Variants in AP3B1 observed in about 807,000 individuals in gnomAD.
AP3B1 encodes adaptor related protein complex 3 subunit beta 1, also known as AP-3 complex subunit beta-1.
In AP3B1, 61 loss-of-function variants were observed where a neutral mutation model predicts 132.5. That is an observed-to-expected ratio of 0.46 (90% CI 0.37 to 0.57). The LOEUF is 0.57. AP3B1 is among the 20% of genes least tolerant of loss of function. The pLI is 0.00. For synonymous variants in AP3B1, 388 were observed against 438.3 expected (o/e 0.89, Z 1.43); for missense variants, 1,120 against 1,289.4 (o/e 0.87, Z 2.01).
intron 22 of AP3B1, among the ~76,000 whole-genome samples, chr5:78,081,549 G>A (rs555562306): frequency 1.3e-5 from 2 of 151,762 alleles, no homozygotes; most frequent in Non-Finnish European, 2.9e-5. Context: ...CGCCCGCCTC[G>A]GCCTTCCAAA....
chr5:78,184,940 C>T (rs1359293182), intron 7 of AP3B1, among the ~76,000 whole-genome samples: 1 of 151,988 alleles, frequency 6.6e-6, no homozygotes, highest in African/African-American at 2.4e-5. Flanking sequence ...CCTCTGAAAA[C>T]TAAAGACAAA....
chr5:78,161,473 A>C (rs913858247), intron 13 of AP3B1, among the ~76,000 whole-genome samples: 1 of 152,000 alleles, frequency 6.6e-6, no homozygotes, highest in Non-Finnish European at 1.5e-5. Flanking sequence ...TATTTGGTTG[A>C]ATAGAAAGTC....
At chr5:78,047,916 T>TA (rs937783676) in intron 22 of AP3B1, among the ~76,000 whole-genome samples, 2 of 152,052 alleles carry the variant, frequency 1.3e-5, no homozygotes, top group African/African-American at 4.8e-5. Context: ...ATGCTTGATT[T>TA]AAAAAAAATA....
intron 22 of AP3B1, among the ~76,000 whole-genome samples, chr5:78,057,212 T>A (rs147317086): frequency 1.3e-5 from 2 of 152,206 alleles, no homozygotes; most frequent in Admixed American, 6.5e-5. Context: ...GAACTCTCCA[T>A]CCAATTTATG....
intron 6 of AP3B1, among the ~76,000 whole-genome samples, chr5:78,216,547 CA>C (rs1214618949): frequency 9.2e-5 from 14 of 152,230 alleles, no homozygotes; most frequent in Admixed American, 2.0e-4. Flanking sequence ...GCACATTTTT[CA>C]TGTTTAAAGC....
At chr5:78,260,450 G>A (rs1400345682) in intron 2 of AP3B1, among the ~76,000 whole-genome samples, 4 of 151,868 alleles carry the variant, frequency 2.6e-5, no homozygotes, top group African/African-American at 9.7e-5. Flanking sequence ...AAAAATTAGC[G>A]GGGCATGGTG....
At chr5:78,082,515 G>C (rs1750059775) in intron 22 of AP3B1, among the ~76,000 whole-genome samples, 2 of 152,146 alleles carry the variant, frequency 1.3e-5, no homozygotes, top group Non-Finnish European at 2.9e-5. Context: ...AAAAGTGTTT[G>C]GGAAAAGTAT....
chr5:78,070,558 A>G (rs186043795), intron 22 of AP3B1, among the ~76,000 whole-genome samples: 1 of 152,156 alleles, frequency 6.6e-6, no homozygotes, highest in African/African-American at 2.4e-5. Context: ...AAATTGACAA[A>G]TGGGATTTAA....
chr5:78,150,843 T>C (rs1022841499), intron 14 of AP3B1, among the ~76,000 whole-genome samples: 1 of 152,170 alleles, frequency 6.6e-6, no homozygotes, highest in African/African-American at 2.4e-5. Flanking sequence ...TGCACTTAGA[T>C]TCCCCAAATG....
chr5:78,063,142 G>C (rs1749130685), intron 22 of AP3B1, among the ~76,000 whole-genome samples: 1 of 152,132 alleles, frequency 6.6e-6, no homozygotes, highest in Admixed American at 6.5e-5. Flanking sequence ...AAATACCAGT[G>C]AAACACTATC....
intron 2 of AP3B1, among the ~76,000 whole-genome samples, chr5:78,263,729 T>C (rs1426455962): frequency 6.6e-6 from 1 of 152,246 alleles, no homozygotes; most frequent in Non-Finnish European, 1.5e-5. Context: ...TGTCAAATCT[T>C]TCTCCGAATA....
chr5:78,252,835 T>A (rs369103806), intron 2 of AP3B1, among the ~76,000 whole-genome samples: 1 of 152,208 alleles, frequency 6.6e-6, no homozygotes, highest in Non-Finnish European at 1.5e-5. Flanking sequence ...ACAGGCCTGG[T>A]TGGCTTTGCT....
intron 14 of AP3B1, among the ~76,000 whole-genome samples, chr5:78,148,434 T>G (rs79061696): frequency 0.041 from 6,199 of 152,246 alleles, 189 homozygotes; most frequent in East Asian, 0.14. Context: ...CTCAAGATAA[T>G]TATTTTTACC....
At chr5:78,253,860 G>C (rs1747741762) in intron 2 of AP3B1, among the ~76,000 whole-genome samples, 1 of 151,514 alleles carries the variant, frequency 6.6e-6, no homozygotes, top group Non-Finnish European at 1.5e-5. Flanking sequence ...CCAACTACTT[G>C]GGAGGGTGAG....
At chr5:78,029,293 G>A (rs1467469494) in intron 24 of AP3B1, among the ~76,000 whole-genome samples, 1 of 151,908 alleles carries the variant, frequency 6.6e-6, no homozygotes, top group African/African-American at 2.4e-5. Flanking sequence ...TTTTCTTGGA[G>A]GATTACAATG....
At chr5:78,241,015 T>C in intron 2 of AP3B1, 79 bp from the exon 3 acceptor site, 1 of 1,017,456 alleles carries the variant, frequency 9.8e-7, no homozygotes, top group South Asian at 1.4e-5. Context: ...ACAAATAAGC[T>C]ACGTAATTAA....
chr5:78,266,588 T>A (rs778650412), intron 2 of AP3B1, among the ~76,000 whole-genome samples: 7 of 152,210 alleles, frequency 4.6e-5, no homozygotes, highest in Non-Finnish European at 8.8e-5. Flanking sequence ...TTTAGTTGTG[T>A]CATCGCCTTA....
Position 78,013,236 on chromosome 5 carries a change from G to C in AP3B1, c.3131+2174C>G, listed in dbSNP as rs193052005. Among the ~76,000 whole-genome samples the C allele has an allele frequency of 3.9e-3, 591 of 152,064 alleles. 2 individuals carry two copies. The highest frequency in any genetic ancestry group is 0.017 in the Middle Eastern group (5 of 294). ...AATTTTATATTTTTTGTAGAGACAG[G>C]GTCTCCCTATGTTGCCCAGTCTGGT... On this transcript the variant is annotated intron_variant, in intron 26 of 26. Transcript: ENST00000255194.
intron 22 of AP3B1, among the ~76,000 whole-genome samples, chr5:78,062,518 A>G (rs950615536): frequency 6.6e-6 from 1 of 152,246 alleles, no homozygotes; most frequent in African/African-American, 2.4e-5. Flanking sequence ...GTAACCAAGC[A>G]ACTAAGAATT....
Sources: allele counts gnomAD v4.1 joint callset (sites outside exome capture counted in the v4.1 genomes callset), GRCh38; gene constraint gnomAD v4.1.1; transcripts MANE v1.5; gene names NCBI Gene and HGNC (gene_info 2026-07-23, HGNC 2026-07-21).